The following RIC1 variants were observed in gnomAD, a reference collection of about 807,000 sequenced individuals.
RIC1 encodes guanine nucleotide exchange factor subunit RIC1.
RIC1 carries 88 observed loss-of-function variants against 169.0 expected under a neutral mutation model. That is an observed-to-expected ratio of 0.52 (90% confidence interval 0.44 to 0.62). The LOEUF (loss-of-function observed/expected upper bound fraction) is 0.62. Ranked by LOEUF, RIC1 falls within the 20% of genes least tolerant of loss-of-function variation. The pLI, the probability that RIC1 is intolerant of heterozygous loss-of-function variation, is 0.00. For synonymous variants in RIC1, 790 were observed against 601.5 expected, an observed-to-expected ratio of 1.31 and a Z score of -4.59; for missense variants, 1,877 against 1,725.5, an observed-to-expected ratio of 1.09 and a Z score of -1.56.
chr9:5,646,184 C>T (rs1192913413), intron 1 of RIC1, among the ~76,000 whole-genome samples: 1 of 152,084 alleles, frequency 6.6e-6, no homozygotes. Context: ...TAATGTCGAG[C>T]ATCTTTTATG....
At chr9:5,679,709 G>C (rs1820695257) in intron 2 of RIC1, among the ~76,000 whole-genome samples, 1 of 152,220 alleles carries the variant, frequency 6.6e-6, no homozygotes, top group Non-Finnish European at 1.5e-5. Flanking sequence ...AGACTTTGCT[G>C]AAGTTGCTTA....
intron 4 of RIC1, among the ~76,000 whole-genome samples, chr9:5,714,226 T>C (rs1194526559): frequency 6.6e-6 from 1 of 152,182 alleles, no homozygotes; most frequent in Non-Finnish European, 1.5e-5. Context: ...TATAATCTTA[T>C]TTTGAAATTT....
chr9:5,631,906 A>C (rs1253344054), intron 1 of RIC1, among the ~76,000 whole-genome samples: 1 of 152,204 alleles, frequency 6.6e-6, no homozygotes, highest in Non-Finnish European at 1.5e-5. Flanking sequence ...ACTTCATTTA[A>C]AAGTGAAAAT....
intron 1 of RIC1, among the ~76,000 whole-genome samples, chr9:5,640,484 T>C (rs914046870): frequency 2.0e-5 from 3 of 152,220 alleles, no homozygotes; most frequent in African/African-American, 7.2e-5. Context: ...TCTTGAAAAG[T>C]TGTCGTTATT....
intron 10 of RIC1, 30 bp downstream of exon 10, chr9:5,743,767 G>A: frequency 6.6e-7 from 1 of 1,520,278 alleles, no homozygotes; most frequent in East Asian, 2.3e-5. Flanking sequence ...AATTGGCATG[G>A]TATTAAAAAA....
intron 2 of RIC1, among the ~76,000 whole-genome samples, chr9:5,688,614 C>G (rs865977440): frequency 2.0e-5 from 3 of 152,044 alleles, no homozygotes; most frequent in African/African-American, 4.8e-5. Context: ...GTTTTTGTAT[C>G]TTACAGTGTT....
At position 5,671,952 on chromosome 9, in the gene RIC1, G is replaced by A. The variant is rs72689474; in HGVS notation, c.252+15262G>A. On this transcript the variant is annotated intron_variant, in intron 2 of 25. Coordinates refer to ENST00000414202, the MANE Select transcript of RIC1 (RefSeq NM_020829.4). ...CTTCAGAAAAGGGAGGACTGTGTCTGCTCCTGGAAGTGGACATTAGCAGGG... is the reference window on the plus strand; with the variant it reads ...CTTCAGAAAAGGGAGGACTGTGTCTACTCCTGGAAGTGGACATTAGCAGGG... Among the ~76,000 whole-genome samples the A allele has an allele frequency of 9.8e-3, 1,496 of 152,322 alleles. 9 individuals are homozygous for A. Among genetic ancestry groups the A allele is most frequent in the Non-Finnish European group, 0.016 (1,066 of 68,032 alleles).
intron 2 of RIC1, among the ~76,000 whole-genome samples, chr9:5,667,129 A>T (rs1458945189): frequency 6.6e-6 from 1 of 151,980 alleles, no homozygotes; most frequent in Non-Finnish European, 1.5e-5. Context: ...GTTACAGGGG[A>T]GCCTGGGGGA....
chr9:5,744,002 A>G (rs73389505), intron 10 of RIC1, among the ~76,000 whole-genome samples: 8,166 of 151,744 alleles, frequency 0.054, 713 homozygotes, highest in African/African-American at 0.18. Context: ...TGGTCTTGCC[A>G]TGTTGCCCAG....
chr9:5,653,790 G>T (rs1206296894), intron 1 of RIC1, among the ~76,000 whole-genome samples: 1 of 151,972 alleles, frequency 6.6e-6, no homozygotes, highest in Non-Finnish European at 1.5e-5. Flanking sequence ...TAGAGATGGG[G>T]TTTCACTGTG....
intron 21 of RIC1, 119 bp from the exon 22 acceptor site, chr9:5,768,851 C>A: frequency 9.2e-7 from 1 of 1,087,846 alleles, no homozygotes; most frequent in Non-Finnish European, 1.3e-6. Context: ...CATTGTCAAT[C>A]AGAATTAGAT....
intron 6 of RIC1, among the ~76,000 whole-genome samples, chr9:5,729,027 C>A (rs1260946617): frequency 6.6e-6 from 1 of 152,144 alleles, no homozygotes; most frequent in Admixed American, 6.5e-5. Flanking sequence ...CCTTCTGCTC[C>A]CCTCTCCCCT....
chr9:5,644,076 AT>A (rs36056575), intron 1 of RIC1, among the ~76,000 whole-genome samples: 45,109 of 152,146 alleles, frequency 0.3, 7,759 homozygotes, highest in East Asian at 0.58. Context: ...TATGGTTTAA[AT>A]TTTTAAGAGC....
At chr9:5,684,464 G>A (rs1000709066) in intron 2 of RIC1, among the ~76,000 whole-genome samples, 6 of 151,954 alleles carry the variant, frequency 3.9e-5, no homozygotes, top group African/African-American at 1.5e-4. Context: ...AGTTATCAGT[G>A]TACAAGTATT....
chr9:5,681,251 G>T (rs1453360192), intron 2 of RIC1, among the ~76,000 whole-genome samples: 2 of 152,092 alleles, frequency 1.3e-5, no homozygotes, highest in African/African-American at 4.8e-5. Flanking sequence ...TAATTGTGAT[G>T]TTAGGGTGTC....
At chr9:5,676,492 C>G (rs992114842) in intron 2 of RIC1, among the ~76,000 whole-genome samples, 3 of 151,892 alleles carry the variant, frequency 2.0e-5, no homozygotes, top group African/African-American at 2.4e-5. Context: ...TTTTATATTC[C>G]CATCATACAG....
At position 5,765,483 on chromosome 9, in the gene RIC1, A is replaced by G; in HGVS notation, c.2911A>G (p.Lys971Glu). 6.2e-7 allele frequency: 1 copy of G among 1,614,212 alleles called. No homozygotes were observed. The highest frequency in any genetic ancestry group is 8.5e-7 in the Non-Finnish European group (1 of 1,180,016). ...ATTCAACACAGCACTAGAACAAGGC[A>G]AGTGGGACCTTTGTCGACACATGAT... ...LLFNTALEQG[K>E]WDLCRHMIRF... The change falls in exon 20 of 26, where the codon AAG becomes GAG. Residue 971 changes from lysine to glutamate, a missense_variant. Lys to Glu is a moderately conservative substitution (Grantham distance 56, BLOSUM62 1). Around this residue, in one of 3 missense-constraint regions of RIC1, gnomAD observed 681 missense variants for 582.0 expected, o/e 1.17. Coordinates refer to ENST00000414202, the MANE Select transcript of RIC1 (RefSeq NM_020829.4).
At position 5,763,888 on chromosome 9, in the gene RIC1, A is replaced by G. The variant is rs1407486054; in HGVS notation, c.2841+20A>G. 1 of 1,586,968 alleles carries G rather than the reference A, an allele frequency of 6.3e-7. No homozygotes were observed. The highest frequency in any genetic ancestry group is 8.6e-7 in the Non-Finnish European group (1 of 1,163,956). On this transcript the variant is annotated intron_variant, in intron 19 of 25. Transcript: ENST00000414202. This position sits in a 1 kb window ranked among gnomAD's most constrained non-coding sequence, Gnocchi z 5.2. The stretch of plus-strand genomic sequence containing the variant: ...TTACAGGTAACAATTCTCTTCTTAT[A>G]AAGGGGCAAGAATTAATGAGCTTAA...
At chr9:5,743,184 T>A (rs182035345) in intron 9 of RIC1, among the ~76,000 whole-genome samples, 171 bp downstream of exon 9, 8 of 152,310 alleles carry the variant, frequency 5.3e-5, no homozygotes, top group Non-Finnish European at 1.0e-4. Flanking sequence ...ATTCATTTTT[T>A]AAAAAATGTA....
Sources: allele counts gnomAD v4.1 joint callset (sites outside exome capture counted in the v4.1 genomes callset), GRCh38; gene constraint gnomAD v4.1.1; regional missense constraint gnomAD v4.1.1; non-coding constraint Gnocchi (gnomAD v3.1); transcripts MANE v1.5; gene names NCBI Gene and HGNC (gene_info 2026-07-23, HGNC 2026-07-21).